RNF182: variants seen among roughly 807,000 people sequenced by gnomAD.
RNF182 encodes the protein ring finger protein 182, also known as E3 ubiquitin-protein ligase RNF182.
In RNF182, 15 loss-of-function variants were observed where a neutral mutation model predicts 14.4. The ratio of observed to expected loss-of-function variants is 1.04; its 90% CI spans 0.70 to 1.60. The LOEUF is 1.60. Among genes scored for constraint, RNF182 ranks in the 40% most tolerant of loss-of-function variants. The pLI is 0.00. For missense variants in RNF182, 268 were observed against 294.8 expected, an observed-to-expected ratio of 0.91 and a Z score of 0.67; for synonymous variants, 128 against 122.9, an observed-to-expected ratio of 1.04 and a Z score of -0.27.
chr6:13,963,297 A>T (rs1281328218), intron 1 of RNF182, among the ~76,000 whole-genome samples: 1 of 152,224 alleles, frequency 6.6e-6, no homozygotes, highest in Non-Finnish European at 1.5e-5. Flanking sequence ...GGTAGGCATG[A>T]TACTCATTGA....
intron 1 of RNF182, among the ~76,000 whole-genome samples, chr6:13,970,726 G>T (rs568388939): frequency 6.6e-6 from 1 of 152,048 alleles, no homozygotes; most frequent in South Asian, 2.1e-4. Context: ...TTATAGTAAT[G>T]CATGAATATT....
intron 1 of RNF182, among the ~76,000 whole-genome samples, chr6:13,932,853 T>C (rs1759007376): frequency 6.6e-6 from 1 of 152,210 alleles, no homozygotes; most frequent in South Asian, 2.1e-4. Flanking sequence ...CTGATTTTCC[T>C]CATCTCTATA....
intron 1 of RNF182, among the ~76,000 whole-genome samples, chr6:13,942,961 CTTAG>C (rs773760563): frequency 2.0e-5 from 3 of 152,106 alleles, no homozygotes; most frequent in Non-Finnish European, 4.4e-5. Context: ...ATTCAATGAT[CTTAG>C]TTAAATTCAC....
chr6:13,930,912 T>A (rs578016790), intron 1 of RNF182, among the ~76,000 whole-genome samples: 1 of 152,342 alleles, frequency 6.6e-6, no homozygotes, highest in South Asian at 2.1e-4. Flanking sequence ...AACCACAATC[T>A]GAATTTGACT....
At chr6:13,960,905 A>T (rs1759864475) in intron 1 of RNF182, among the ~76,000 whole-genome samples, 1 of 152,212 alleles carries the variant, frequency 6.6e-6, no homozygotes, top group Admixed American at 6.5e-5. Flanking sequence ...GAAAGAAATT[A>T]GTCTAATGGA....
rs532099249 is a variant in RNF182 at position 13,948,481 on chromosome 6, T to A, written c.-367+23458T>A. Among the ~76,000 whole-genome samples the A allele has an allele frequency of 7.2e-5, 11 of 152,332 alleles. No individual in the cohort carries two copies. The South Asian group carries it at 2.3e-3, about 32-fold the overall frequency. On this transcript the variant is annotated intron_variant, in intron 1 of 2. Coordinates refer to ENST00000488300, the MANE Select transcript of RNF182 (RefSeq NM_152737.4). ...TGCATAATTTTGGAACACATACCAA[T>A]AACACATTTAAATAACCCAAAAAAT...
rs1223945318 is a variant in RNF182, at chr6:13,977,230, G to A, written c.111G>A (p.Leu37=). The change falls in exon 3 of 3, where the codon CTG becomes CTA. Residue 37 remains leucine (L), a synonymous_variant. Transcript: ENST00000488300. ...TGAAACAGAGGAAACCCAAAGTGCTGGAGTGTTGTCATAGGGTTTGTGCCA... is the reference window on the plus strand; with the variant it reads ...TGAAACAGAGGAAACCCAAAGTGCTAGAGTGTTGTCATAGGGTTTGTGCCA... ...YNLKQRKPKV[L]ECCHRVCAKC... The A allele has an allele frequency of 1.2e-6, 2 of 1,614,210 alleles. No individual in the cohort carries two copies. The highest frequency in any genetic ancestry group is 8.5e-7 in the Non-Finnish European group (1 of 1,180,028).
intron 1 of RNF182, 126 bp from the exon 2 acceptor site, chr6:13,974,084 T>G (rs548129396): frequency 7.9e-5 from 12 of 152,228 alleles, no homozygotes; most frequent in Admixed American, 7.9e-4. Flanking sequence ...TTGGTTATTA[T>G]TCAAGTTCTT....
Position 13,925,069 on chromosome 6 carries a change from G to GC in RNF182, c.-367+46_-367+47insC, listed in dbSNP as rs1758782343. On this transcript the variant is annotated intron_variant, in intron 1 of 2. Coordinates refer to ENST00000488300, the MANE Select transcript of RNF182 (RefSeq NM_152737.4). Reference sequence around the variant, plus strand: ...GCCGGGGAGGGGTCGGCGGGACGCCGGGCCTCCCCAACGCTGGGGCAGCAG... The same window carrying GC: ...GCCGGGGAGGGGTCGGCGGGACGCCGCGGCCTCCCCAACGCTGGGGCAGCAG... 3.3e-3 allele frequency: 34 copies of GC among 10,338 alleles called. 1 individual carries two copies. Among genetic ancestry groups the GC allele is most frequent in the South Asian group, 5.7e-3 (2 of 350 alleles). 0.6% of individuals were successfully genotyped at this position (10,338 alleles called of 1,614,324 possible). A position where few individuals can be genotyped will look rare whatever the true frequency, so the allele number is the denominator to read the frequency against.
At chr6:13,932,757 C>A (rs892967079) in intron 1 of RNF182, among the ~76,000 whole-genome samples, 1 of 152,154 alleles carries the variant, frequency 6.6e-6, no homozygotes, top group Non-Finnish European at 1.5e-5. Context: ...TTCTTTTAAA[C>A]GTTAAAAACA....
intron 1 of RNF182, among the ~76,000 whole-genome samples, chr6:13,960,799 A>C (rs182648279): frequency 9.2e-5 from 14 of 152,296 alleles, no homozygotes; most frequent in Admixed American, 3.3e-4. Flanking sequence ...CATATAACCT[A>C]TGCTAATTTC....
intron 1 of RNF182, among the ~76,000 whole-genome samples, chr6:13,956,927 C>T (rs1759749250): frequency 6.6e-6 from 1 of 151,966 alleles, no homozygotes; most frequent in Non-Finnish European, 1.5e-5. Flanking sequence ...CCCCACCATA[C>T]ACACACACCC....
intron 1 of RNF182, among the ~76,000 whole-genome samples, chr6:13,963,710 G>A (rs945209250): frequency 6.6e-6 from 1 of 152,186 alleles, no homozygotes; most frequent in Non-Finnish European, 1.5e-5. Context: ...GAAGCTTCAA[G>A]ACACCCTGAG....
chr6:13,936,947 G>A (rs71562490), intron 1 of RNF182, among the ~76,000 whole-genome samples: 2 of 152,160 alleles, frequency 1.3e-5, no homozygotes, highest in Admixed American at 6.5e-5. Flanking sequence ...GAGTGAGGTC[G>A]AGGAGGAGAA....
At chr6:13,940,112 A>G (rs895692513) in intron 1 of RNF182, among the ~76,000 whole-genome samples, 17 of 152,344 alleles carry the variant, frequency 1.1e-4, no homozygotes, top group Admixed American at 6.5e-5. Flanking sequence ...GGGGGAAAGC[A>G]TTCAATATTT....
At chr6:13,948,949 A>C (rs887596569) in intron 1 of RNF182, 21 of 264,878 alleles carry the variant, frequency 7.9e-5, no homozygotes, top group African/African-American at 4.2e-4. Context: ...GCCAAATTTC[A>C]CTTTTGCATT....
chr6:13,928,647 A>G (rs1406848938), intron 1 of RNF182, among the ~76,000 whole-genome samples: 1 of 152,198 alleles, frequency 6.6e-6, no homozygotes, highest in Non-Finnish European at 1.5e-5. Flanking sequence ...ATTTATAGAC[A>G]TGGTTTGTTG....
chr6:13,924,970 C>T lies in RNF182; in HGVS notation c.-420C>T, dbSNP rs1758775313. The T allele has an allele frequency of 6.7e-6, 1 of 150,352 alleles. No homozygotes were observed. Among genetic ancestry groups the T allele is most frequent in the Admixed American group, 6.6e-5 (1 of 15,130 alleles). 9.3% of individuals were successfully genotyped at this position (150,352 alleles called of 1,614,324 possible). A position where few individuals can be genotyped will look rare whatever the true frequency, so the allele number is the denominator to read the frequency against. On this transcript the variant is annotated 5_prime_UTR_variant, in exon 1 of 3. Transcript: ENST00000488300. ...CCTCCACGGGAACCTCCCTCCCCTC[C>T]CAGGCGCCGCCGCAGCCGGAGCGGC...
In RNF182 at chr6:13,977,161, C is replaced by T. The variant is rs1760349125; in HGVS notation, c.42C>T (p.Ala14=). 6.2e-7 allele frequency: 1 copy of T among 1,614,130 alleles called. No homozygotes were observed. Among genetic ancestry groups the T allele is most frequent in the African/African-American group, 1.3e-5 (1 of 75,046 alleles). The change falls in exon 3 of 3, where the codon GCC becomes GCT. Residue 14 remains alanine, a synonymous_variant. Transcript: ENST00000488300. Reference sequence around the variant, plus strand: ...CTGAAGACACTGCGGAGTCTCAGGCCTCTGATGAGCTGGAGTGCAAAATCT... The same window carrying T: ...CTGAAGACACTGCGGAGTCTCAGGCTTCTGATGAGCTGGAGTGCAAAATCT... ...QPPEDTAESQ[A]SDELECKICY...
Sources: gnomAD v4.1 joint callset for allele counts (sites outside exome capture counted in the v4.1 genomes callset) on GRCh38, gnomAD v4.1.1 for gene constraint, MANE v1.5 for transcripts, NCBI Gene and HGNC (gene_info 2026-07-23, HGNC 2026-07-21) for gene names.